TBC1D16: variants seen among roughly 807,000 people sequenced by gnomAD.
TBC1D16 encodes TBC1 domain family member 16.
Under a neutral mutation model 74.7 loss-of-function variants are expected in TBC1D16, and 58 were observed. That is an observed-to-expected ratio of 0.78 (90% CI 0.63 to 0.97). The LOEUF (loss-of-function observed/expected upper bound fraction) is 0.97, where lower values mean the gene tolerates loss of function less well. Ranked by LOEUF, TBC1D16 falls within the 50% of genes least tolerant of loss-of-function variation. The probability of loss-of-function intolerance (pLI) is 0.00; values close to 1 mark genes in which losing one functional copy is unlikely to be tolerated. For missense variants in TBC1D16, 1,014 were observed against 1,079.5 expected, an observed-to-expected ratio of 0.94 and a Z score of 0.85; for synonymous variants, 493 against 474.7, an observed-to-expected ratio of 1.04 and a Z score of -0.50.
At position 79,942,145 on chromosome 17, in the gene TBC1D16, AT is replaced by A; in HGVS notation, c.1969del (p.Ile657SerfsTer21). On this transcript the variant is annotated frameshift_variant, in exon 11 of 12. Coordinates refer to ENST00000310924, the MANE Select transcript of TBC1D16 (RefSeq NM_019020.4). LOFTEE classifies it high-confidence loss of function. Reference protein sequence around the residue: ...AIVAIYGDDVIEQQLATDQML... With the variant: ...AIVAIYGDDVXEQQLATDQML... ...CTGGTCCGTGGCCAGCTGCTGCTCG[AT>A]GACGTCATCCCCGTAGATGGCCACG... 1 of 1,610,798 alleles carries A rather than the reference AT, an allele frequency of 6.2e-7. No individual in the cohort carries two copies.
intron 3 of TBC1D16, chr17:79,953,024 A>C (rs1439238873): frequency 2.2e-6 from 1 of 464,940 alleles, no homozygotes; most frequent in African/African-American, 2.0e-5. Context: ...TGGATGGGAA[A>C]GCATTTTCAT....
Position 79,971,712 on chromosome 17 carries a change from C to G in TBC1D16, c.780-18894G>C, listed in dbSNP as rs965430611. Among the ~76,000 whole-genome samples the G allele has an allele frequency of 6.6e-6, 1 of 152,138 alleles. No individual in the cohort carries two copies. The highest frequency in any genetic ancestry group is 1.5e-5 in the Non-Finnish European group (1 of 68,020). On this transcript the variant is annotated intron_variant, in intron 3 of 11. Transcript: ENST00000310924. This position sits in a 1 kb window ranked among gnomAD's most constrained non-coding sequence, Gnocchi z 4.6. ...AGGAAGACCTGAGGAAGCTGGTGCC[C>G]GACCCACCAGGAGACATGGACCTCA... is the stretch of plus-strand genomic sequence containing the variant.
Position 79,979,680 on chromosome 17 carries a change from C to A in TBC1D16, c.780-26862G>T, listed in dbSNP as rs1011988869. 5.3e-5 allele frequency among the ~76,000 whole-genome samples: 8 copies of A among 151,930 alleles called. No homozygotes were observed. Among genetic ancestry groups the A allele is most frequent in the Non-Finnish European group, 1.2e-4 (8 of 68,008 alleles). ...TGCAAACACAGCTGGGACATCAGCC[C>A]GGAAAGGAATGTAACCTGTCAGGCC... On this transcript the variant is annotated intron_variant, in intron 3 of 11. Transcript: ENST00000310924. This position sits in a 1 kb window ranked among gnomAD's most constrained non-coding sequence, Gnocchi z 4.8.
At chr17:79,951,130 A>C (rs1394479399) in intron 5 of TBC1D16, among the ~76,000 whole-genome samples, 1 of 152,246 alleles carries the variant, frequency 6.6e-6, no homozygotes, top group African/African-American at 2.4e-5. Context: ...AATCGGCCCC[A>C]TTTCTAATAA....
Position 80,010,276 on chromosome 17 carries a change from G to A in TBC1D16, c.663C>T (p.Ser221=), listed in dbSNP as rs2035829276. The change falls in exon 3 of 12, where the codon AGC becomes AGT. Residue 221 remains serine, a synonymous_variant. Transcript: ENST00000310924. The surrounding 1 kb of genome is among the most constrained non-coding windows in gnomAD (Gnocchi z 8.8). The part of the protein sequence containing the change: ...GSLELSAEGV[S]RDSSFDSDSD... Reference sequence around the variant, plus strand: ...AGTCTGAGTCAAAGGAGCTGTCTCTGCTCACGCCCTCGGCTGACAGTTCCA... The same window carrying A: ...AGTCTGAGTCAAAGGAGCTGTCTCTACTCACGCCCTCGGCTGACAGTTCCA... The A allele has an allele frequency of 1.2e-6, 2 of 1,613,220 alleles. No homozygotes were observed. The highest frequency in any genetic ancestry group is 1.1e-5 in the South Asian group (1 of 90,958).
chr17:79,993,084 G>C lies in TBC1D16; in HGVS notation c.779+17076C>G, dbSNP rs925197736. On this transcript the variant is annotated intron_variant, in intron 3 of 11. Transcript: ENST00000310924. The surrounding 1 kb of genome is among the most constrained non-coding windows in gnomAD (Gnocchi z 5.1). The stretch of plus-strand genomic sequence containing the variant: ...GATGCTACTTCTCATGACAGTCTAT[G>C]GGGTGGGGAGCACTAGCGCCAGCCC... Among the ~76,000 whole-genome samples the C allele has an allele frequency of 2.6e-5, 4 of 152,154 alleles. No individual in the cohort carries two copies. The highest frequency in any genetic ancestry group is 9.7e-5 in the African/African-American group (4 of 41,434).
At chr17:79,957,055 C>G (rs2033370769) in intron 3 of TBC1D16, among the ~76,000 whole-genome samples, 1 of 152,142 alleles carries the variant, frequency 6.6e-6, no homozygotes, top group Admixed American at 6.5e-5. Context: ...CCCGTGACTG[C>G]CAAAGCGAGT....
intron 1 of TBC1D16, chr17:80,024,041 G>C (rs1159211048): frequency 6.8e-6 from 1 of 147,712 alleles, no homozygotes; most frequent in Non-Finnish European, 1.5e-5. Flanking sequence ...CGGCGAGTGC[G>C]GGCGGGGCCC....
rs2034104705 is a variant in TBC1D16, at chr17:79,971,544, G to T, written c.780-18726C>A. 1.3e-5 allele frequency among the ~76,000 whole-genome samples: 2 copies of T among 152,166 alleles called. No homozygotes were observed. Among genetic ancestry groups the T allele is most frequent in the Admixed American group, 6.5e-5 (1 of 15,280 alleles). ...TCTGCAGGTTTACACACACTTGAAG[G>T]TATCTTCCCATGTTGCTGGTAGACA... On this transcript the variant is annotated intron_variant, in intron 3 of 11. Coordinates refer to ENST00000310924, the MANE Select transcript of TBC1D16 (RefSeq NM_019020.4). The surrounding 1 kb of genome is among the most constrained non-coding windows in gnomAD (Gnocchi z 4.6).
rs755961072 is a variant in TBC1D16, at chr17:79,940,955, G to A, written c.2208C>T (p.Pro736=). ...TGHHPGSESC[P]YGGTVEMPSP... ...AAGGCATCTCCACCGTGCCCCCGTA[G>A]GGACAGCTCTCCGAGCCGGGATGGT... The change falls in exon 12 of 12, where the codon CCC becomes CCT. Residue 736 remains proline (P), a synonymous_variant. Transcript: ENST00000310924. This position sits in a 1 kb window ranked among gnomAD's most constrained non-coding sequence, Gnocchi z 5.4. 2 of 1,603,196 alleles carry A rather than the reference G, an allele frequency of 1.2e-6. No homozygotes were observed. The highest frequency in any genetic ancestry group is 1.7e-6 in the Non-Finnish European group (2 of 1,175,496).
intron 5 of TBC1D16, 63 bp downstream of exon 5, chr17:79,951,387 T>C (rs1312624303): frequency 2.6e-6 from 4 of 1,568,620 alleles, no homozygotes; most frequent in Non-Finnish European, 3.5e-6. Context: ...AGGAGGGAGA[T>C]GGGGCCCGTG....
At chr17:79,972,201 G>C (rs1439339069) in intron 3 of TBC1D16, among the ~76,000 whole-genome samples, 2 of 152,058 alleles carry the variant, frequency 1.3e-5, no homozygotes, top group African/African-American at 4.8e-5. Context: ...CCCTGAGAGG[G>C]AGTCTTGCTT....
In TBC1D16 at chr17:79,981,839, A is replaced by C. The variant is rs72848404; in HGVS notation, c.779+28321T>G. Among the ~76,000 whole-genome samples the C allele has an allele frequency of 0.15, 22,131 of 152,192 alleles. 1,990 individuals are homozygous for C. The highest frequency in any genetic ancestry group is 0.2 in the Non-Finnish European group (13,348 of 67,996). On this transcript the variant is annotated intron_variant, in intron 3 of 11. Transcript: ENST00000310924. The surrounding 1 kb of genome is among the most constrained non-coding windows in gnomAD (Gnocchi z 6.9). Reference sequence around the variant, plus strand: ...TCCCTGCAGCAGCAGCCTCGGCCCAACCTCAATCCCACTCCTCCAAGGGCG... The same window carrying C: ...TCCCTGCAGCAGCAGCCTCGGCCCACCCTCAATCCCACTCCTCCAAGGGCG...
At position 79,952,699 on chromosome 17, in the gene TBC1D16, C is replaced by G; in HGVS notation, c.899G>C (p.Arg300Pro). The G allele has an allele frequency of 1.2e-6, 2 of 1,610,302 alleles. No homozygotes were observed. The highest frequency in any genetic ancestry group is 1.7e-4 in the Middle Eastern group (1 of 6,058). Residue 300 changes from arginine to proline, a missense_variant, in exon 4 of 12, where the codon CGC becomes CCC. Physicochemically the swap from Arg to Pro is moderately radical, Grantham distance 103 (BLOSUM62 -2). Coordinates refer to ENST00000310924, the MANE Select transcript of TBC1D16 (RefSeq NM_019020.4). The stretch of plus-strand genomic sequence containing the variant: ...GGAGCGCATGTGGCCCAGGTCCACG[C>G]GGAACACGCCGCAAATCTGCTCCAG... ...CALEQICGVF[R>P]VDLGHMRSLR...
rs12450069 is a variant in TBC1D16 at position 79,934,522 on chromosome 17, G to A, written c.*6337C>T. On this transcript the variant is annotated 3_prime_UTR_variant, in exon 12 of 12. Transcript: ENST00000310924. ...CAGGACGTGGCTTCCAGGCAGGATG[G>A]GGAAGCACCTCCCACTCCCACATGG... 0.3 allele frequency: 45,420 copies of A among 152,174 alleles called. 7,038 individuals carry two copies. Among genetic ancestry groups the A allele is most frequent in the East Asian group, 0.42 (2,149 of 5,166 alleles). 9.4% of individuals were successfully genotyped at this position (152,174 alleles called of 1,614,324 possible). A position where few individuals can be genotyped will look rare whatever the true frequency, so the allele number is the denominator to read the frequency against.
At chr17:80,020,162 CG>C (rs2036236606) in intron 1 of TBC1D16, among the ~76,000 whole-genome samples, 1 of 149,782 alleles carries the variant, frequency 6.7e-6, no homozygotes. Context: ...ACAATCCTGC[CG>C]ACACCTTGAT....
intron 3 of TBC1D16, 171 bp from the exon 4 acceptor site, chr17:79,952,989 C>T: frequency 1.6e-6 from 1 of 636,334 alleles, no homozygotes; most frequent in Middle Eastern, 4.5e-4. Flanking sequence ...ATGTATGAAC[C>T]CCACTGCACA....
At position 79,983,659 on chromosome 17, in the gene TBC1D16, G is replaced by A. The variant is rs370385898; in HGVS notation, c.779+26501C>T. ...TGCTTTAGGAGAGCAAGGAAGTGCC[G>A]CCCACGGCATTCCGGAAGGTGGTTC... On this transcript the variant is annotated intron_variant, in intron 3 of 11. Coordinates refer to ENST00000310924, the MANE Select transcript of TBC1D16 (RefSeq NM_019020.4). The surrounding 1 kb of genome is among the most constrained non-coding windows in gnomAD (Gnocchi z 5.6). Among the ~76,000 whole-genome samples, 1 of 152,180 alleles carries A rather than the reference G, an allele frequency of 6.6e-6. No homozygotes were observed. Among genetic ancestry groups the A allele is most frequent in the Non-Finnish European group, 1.5e-5 (1 of 68,024 alleles).
intron 1 of TBC1D16, among the ~76,000 whole-genome samples, chr17:80,023,666 C>CGT (rs765410417): frequency 1.4e-5 from 2 of 144,472 alleles, no homozygotes; most frequent in Admixed American, 1.3e-4. Flanking sequence ...GGCCCCCCCC[C>CGT]ACCGGCTCAG....
Sources: gnomAD v4.1 joint callset for allele counts (sites outside exome capture counted in the v4.1 genomes callset) on GRCh38, gnomAD v4.1.1 for gene constraint, Gnocchi (gnomAD v3.1) non-coding constraint, MANE v1.5 for transcripts, NCBI Gene and HGNC (gene_info 2026-07-23, HGNC 2026-07-21) for gene names.